Variants in IQCN observed in about 807,000 individuals in gnomAD.
IQCN encodes IQ domain-containing protein N.
In IQCN, 46 loss-of-function variants were observed where a neutral mutation model predicts 64.4. The ratio of observed to expected loss-of-function variants is 0.71; its 90% confidence interval spans 0.56 to 0.91. The LOEUF (loss-of-function observed/expected upper bound fraction) is 0.91. Ranked by LOEUF, IQCN falls within the 40% of genes least tolerant of loss-of-function variation. The probability of loss-of-function intolerance (pLI) is 0.00; values close to 1 mark genes in which losing one functional copy is unlikely to be tolerated. For synonymous variants in IQCN, 733 were observed against 775.6 expected (o/e 0.95, Z 0.91); for missense variants, 1,753 against 1,857.4 (o/e 0.94, Z 1.03).
In IQCN at chr19:18,265,762, G is replaced by C. The variant is rs751306707; in HGVS notation, c.1778C>G (p.Pro593Arg). ...CAAAGGAAGCTCAGCTGCAGCCCTGGGGACCCCAGTTCCCGGATGTGGTTG... is the reference window on the plus strand; with the variant it reads ...CAAAGGAAGCTCAGCTGCAGCCCTGCGGACCCCAGTTCCCGGATGTGGTTG... Reference protein sequence around the residue: ...LAQPHPGTGVPRAAAELPLEA... With the variant: ...LAQPHPGTGVRRAAAELPLEA... Residue 593 changes from proline (P) to arginine (R), a missense_variant, in exon 3 of 4, where the codon CCC becomes CGC. Pro to Arg is a moderately radical substitution (Grantham distance 103). Coordinates refer to ENST00000392413, the MANE Select transcript of IQCN (RefSeq NM_001145304.2). The surrounding 1 kb of genome is among the most constrained non-coding windows in gnomAD (Gnocchi z 4.7). 9.9e-6 allele frequency: 16 copies of C among 1,614,050 alleles called. No individual in the cohort carries two copies. In the Admixed American group the frequency reaches 1.7e-4, roughly 17 times the overall value.
chr19:18,271,802 CATTT>C (rs1337112810), intron 1 of IQCN, among the ~76,000 whole-genome samples: 4 of 151,976 alleles, frequency 2.6e-5, no homozygotes, highest in East Asian at 3.9e-4. Flanking sequence ...CGTTTATTAT[CATTT>C]ATTTATTTAT....
intron 1 of IQCN, among the ~76,000 whole-genome samples, chr19:18,273,031 A>G (rs1264333458): frequency 6.6e-6 from 1 of 152,022 alleles, no homozygotes; most frequent in East Asian, 1.9e-4. Flanking sequence ...TATATTTATT[A>G]TTTTTATTTT....
rs371327963 is a variant in IQCN, at chr19:18,257,947, G to A, written c.3337C>T (p.Arg1113Cys). 2.3e-4 allele frequency: 372 copies of A among 1,612,796 alleles called. 1 individual carries two copies. Among genetic ancestry groups the A allele is most frequent in the Non-Finnish European group, 3.0e-4 (357 of 1,179,966 alleles). ...MVSMQAAEEI[R>C]ILAVITIQAG... ...TGGATAGTGATCACTGCGAGGATGC[G>A]GATCTCCTCTGCAGCCTGCATGGAC... The change falls in exon 4 of 4, where the codon CGC (arginine) becomes TGC (cysteine). Residue 1113 changes from arginine to cysteine, a missense_variant. By Grantham distance (180) the Arg-to-Cys change is radical. Coordinates refer to ENST00000392413, the MANE Select transcript of IQCN (RefSeq NM_001145304.2).
In IQCN at chr19:18,266,240, G is replaced by T. The variant is rs759716639; in HGVS notation, c.1300C>A (p.Leu434Met). The change falls in exon 3 of 4, where the codon CTG (leucine) becomes ATG (methionine). Residue 434 changes from leucine (L) to methionine (M), a missense_variant. Coordinates refer to ENST00000392413, the MANE Select transcript of IQCN (RefSeq NM_001145304.2). The surrounding 1 kb of genome is among the most constrained non-coding windows in gnomAD (Gnocchi z 4.3). Reference sequence around the variant, plus strand: ...GGCAGGCTCTTCATGATGGAAGCCAGAAGGGAAACCTGAGGTCGGTTCTTT... The same window carrying T: ...GGCAGGCTCTTCATGATGGAAGCCATAAGGGAAACCTGAGGTCGGTTCTTT... The part of the protein sequence containing the change: ...TAKNRPQVSL[L>M]ASIMKSLPQV... 1 of 1,614,024 alleles carries T rather than the reference G, an allele frequency of 6.2e-7. No homozygotes were observed. Among genetic ancestry groups the T allele is most frequent in the South Asian group, 1.1e-5 (1 of 91,072 alleles).
chr19:18,274,088 T>C (rs1365070092), intron 1 of IQCN, among the ~76,000 whole-genome samples: 2 of 152,230 alleles, frequency 1.3e-5, no homozygotes, highest in Non-Finnish European at 2.9e-5. Context: ...CTGGGCAACA[T>C]GTCTCTATTT....
At chr19:18,273,906 A>G (rs1969797531) in intron 1 of IQCN, among the ~76,000 whole-genome samples, 1 of 152,066 alleles carries the variant, frequency 6.6e-6, no homozygotes, top group African/African-American at 2.4e-5. Flanking sequence ...ATTTTGAGTA[A>G]ACCCCTCTGA....
rs776877184 is a variant in IQCN, at chr19:18,257,586, T to C, written c.3698A>G (p.His1233Arg). The part of the protein sequence containing the change: ...SCQAHACSVC[H>R]SLSSRIGSPP... ...GCTCCCGATCCTGGAGCTCAGGGAG[T>C]GGCAGACGCTGCAAGCGTGTGCCTG... is the stretch of plus-strand genomic sequence containing the variant. The change falls in exon 4 of 4, where the codon CAC (histidine) becomes CGC (arginine). Residue 1233 changes from histidine (H) to arginine (R), a missense_variant. Transcript: ENST00000392413. 3.1e-6 allele frequency: 5 copies of C among 1,612,364 alleles called. No individual in the cohort carries two copies. The highest frequency in any genetic ancestry group is 3.3e-5 in the Admixed American group (2 of 59,996).
rs144663996 is a variant in IQCN at position 18,266,925 on chromosome 19, G to C, written c.615C>G (p.Pro205=). Residue 205 remains proline, a synonymous_variant, in exon 3 of 4, where the codon CCC becomes CCG. Coordinates refer to ENST00000392413, the MANE Select transcript of IQCN (RefSeq NM_001145304.2). This position sits in a 1 kb window ranked among gnomAD's most constrained non-coding sequence, Gnocchi z 4.3. ...GGGGCTGCAGGAGGGGGGACGACTG[G>C]GGTCTGCAGAGGACCAGATTGTCAC... The part of the protein sequence containing the change: ...PSCDNLVLCR[P]QSSPLLQPPA... 1.2e-6 allele frequency: 2 copies of C among 1,608,712 alleles called. No homozygotes were observed. The highest frequency in any genetic ancestry group is 1.7e-6 in the Non-Finnish European group (2 of 1,176,274).
chr19:18,271,488 A>G (rs1348777028), intron 1 of IQCN, among the ~76,000 whole-genome samples: 1 of 151,450 alleles, frequency 6.6e-6, no homozygotes, highest in East Asian at 1.9e-4. Context: ...AAAAAAAGAT[A>G]AAAGGAAACT....
intron 3 of IQCN, chr19:18,260,319 T>C (rs916627230): frequency 5.9e-5 from 9 of 152,518 alleles, no homozygotes; most frequent in Admixed American, 5.2e-4. Flanking sequence ...CTGGTCCATA[T>C]TTCCAGCCAC....
At position 18,264,792 on chromosome 19, in the gene IQCN, G is replaced by C. The variant is rs367754589; in HGVS notation, c.2748C>G (p.Ser916=). ...EVWAALNQAL[S]KEVLGATVTK... is the part of the protein sequence containing the mutation. ...TGACAGTGGCACCCAGGACCTCCTT[G>C]GACAGGGCCTGGTTCAGAGCTGCCC... is the stretch of plus-strand genomic sequence containing the variant. The change falls in exon 3 of 4, where the codon TCC becomes TCG. Residue 916 remains serine, a synonymous_variant. Transcript: ENST00000392413. The surrounding 1 kb of genome is among the most constrained non-coding windows in gnomAD (Gnocchi z 4.3). The C allele has an allele frequency of 3.9e-6, 6 of 1,552,338 alleles. No individual in the cohort carries two copies. The highest frequency in any genetic ancestry group is 3.5e-6 in the Non-Finnish European group (4 of 1,147,588).
Position 18,265,772 on chromosome 19 carries a change from T to C in IQCN, c.1768A>G (p.Thr590Ala), listed in dbSNP as rs1969555610. 4 of 1,613,996 alleles carry C rather than the reference T, an allele frequency of 2.5e-6. No homozygotes were observed. In the East Asian group the frequency reaches 8.9e-5, roughly 36 times the overall value. ...TCAGCTGCAGCCCTGGGGACCCCAG[T>C]TCCCGGATGTGGTTGAGCCAGGCAC... ...IRCLAQPHPG[T>A]GVPRAAAELP... is the part of the protein sequence containing the mutation. The change falls in exon 3 of 4, where the codon ACT becomes GCT. Residue 590 changes from threonine to alanine, a missense_variant. By Grantham distance (58) the Thr-to-Ala change is moderately conservative (BLOSUM62 0). Coordinates refer to ENST00000392413, the MANE Select transcript of IQCN (RefSeq NM_001145304.2). The surrounding 1 kb of genome is among the most constrained non-coding windows in gnomAD (Gnocchi z 4.7).
chr19:18,272,534 G>A (rs1346572213), intron 1 of IQCN, among the ~76,000 whole-genome samples: 1 of 152,116 alleles, frequency 6.6e-6, no homozygotes, highest in African/African-American at 2.4e-5. Flanking sequence ...GCTCGGGCAG[G>A]CTTCACCTGG....
chr19:18,258,659 C>T, intron 3 of IQCN: 1 of 344,622 alleles, frequency 2.9e-6, no homozygotes, highest in South Asian at 2.2e-5. Context: ...GACTAGGATT[C>T]CCCATCCTGC....
chr19:18,265,346 G>C lies in IQCN; in HGVS notation c.2194C>G (p.Gln732Glu). 1 of 1,614,172 alleles carries C rather than the reference G, an allele frequency of 6.2e-7. No individual in the cohort carries two copies. The highest frequency in any genetic ancestry group is 8.5e-7 in the Non-Finnish European group (1 of 1,180,034). Residue 732 changes from glutamine (Q) to glutamate (E), a missense_variant, in exon 3 of 4, where the codon CAA becomes GAA. Gln to Glu is a conservative substitution (Grantham distance 29). Transcript: ENST00000392413. The surrounding 1 kb of genome is among the most constrained non-coding windows in gnomAD (Gnocchi z 4.7). The stretch of plus-strand genomic sequence containing the variant: ...GTCAGACAGGTGGCTAGAGGCGCTT[G>C]GGACTGGACCTTCACGGCACCTGTG... ...LATGAVKVQS[Q>E]APLATCLTKT... is the part of the protein sequence containing the mutation.
At position 18,268,174 on chromosome 19, in the gene IQCN, CTGTGTGTGTGTGTGTGTGTG is replaced by C. The variant is rs71336668; in HGVS notation, c.14-668_14-649del. Among the ~76,000 whole-genome samples, 468 of 134,496 alleles carry C rather than the reference CTGTGTGTGTGTGTGTGTGTG, an allele frequency of 3.5e-3. 1 individual carries two copies. Among genetic ancestry groups the C allele is most frequent in the African/African-American group, 0.011 (402 of 35,944 alleles). 88.2% of individuals were successfully genotyped at this position (134,496 alleles called of 152,430 possible). A position where few individuals can be genotyped will look rare whatever the true frequency, so the allele number is the denominator to read the frequency against. ...TGTTTTGGAAATTTCCTGTTTGCCT[CTGTGTGTGTGTGTGTGTGTG>C]TGTGTGTGTGTGTGTGTGTGTGTTT... On this transcript the variant is annotated intron_variant, in intron 2 of 3. Coordinates refer to ENST00000392413, the MANE Select transcript of IQCN (RefSeq NM_001145304.2).
chr19:18,269,457 T>C lies in IQCN; in HGVS notation c.13+9A>G, dbSNP rs1969685997. On this transcript the variant is annotated intron_variant, in intron 2 of 3. Transcript: ENST00000392413. ...AGCCAGACCCCTTGCCCATAGACCA[T>C]CTTCTTACCTTGAAGGGTCATAGAT... 6 of 1,613,922 alleles carry C rather than the reference T, an allele frequency of 3.7e-6. No homozygotes were observed. In the South Asian group the frequency reaches 5.5e-5, roughly 15 times the overall value.
intron 1 of IQCN, among the ~76,000 whole-genome samples, chr19:18,271,790 T>C (rs1969739881): frequency 6.6e-6 from 1 of 151,978 alleles, no homozygotes; most frequent in Non-Finnish European, 1.5e-5. Flanking sequence ...GGGGGCTCTG[T>C]TCGTTTATTA....
intron 3 of IQCN, among the ~76,000 whole-genome samples, chr19:18,263,679 C>T (rs191461081): frequency 6.6e-6 from 1 of 152,254 alleles, no homozygotes; most frequent in Admixed American, 6.5e-5. Context: ...CCTGGAAGCC[C>T]TGGATGCCTG....
Sources: allele counts gnomAD v4.1 joint callset (sites outside exome capture counted in the v4.1 genomes callset), GRCh38; gene constraint gnomAD v4.1.1; non-coding constraint Gnocchi (gnomAD v3.1); transcripts MANE v1.5; gene names NCBI Gene and HGNC (gene_info 2026-07-23, HGNC 2026-07-21).